ADGRB3: variants seen among roughly 807,000 people sequenced by gnomAD.
ADGRB3 encodes the protein adhesion G protein-coupled receptor B3, also known as brain-specific angiogenesis inhibitor 3.
A neutral mutation model predicts 193.4 loss-of-function variants in ADGRB3; 37 were observed. That is an observed-to-expected ratio of 0.19 (90% CI 0.15 to 0.25). The LOEUF (loss-of-function observed/expected upper bound fraction) is 0.25. Among genes scored for constraint, ADGRB3 ranks in the 10% least tolerant of loss-of-function variants. ADGRB3 has a pLI of 1.00. For missense variants in ADGRB3, 1,637 were observed against 1,852.9 expected, an observed-to-expected ratio of 0.88 and a Z score of 2.14; for synonymous variants, 690 against 644.2, an observed-to-expected ratio of 1.07 and a Z score of -1.08.
At chr6:68,851,109 C>T (rs940220091) in intron 3 of ADGRB3, among the ~76,000 whole-genome samples, 6 of 151,930 alleles carry the variant, frequency 3.9e-5, no homozygotes, top group Non-Finnish European at 7.4e-5. Context: ...CTATAAAGTT[C>T]TATCTGCTCT....
At chr6:68,678,077 A>C (rs543169602) in intron 3 of ADGRB3, among the ~76,000 whole-genome samples, 1 of 152,284 alleles carries the variant, frequency 6.6e-6, no homozygotes, top group Admixed American at 6.5e-5. Context: ...AGGCCAAAGT[A>C]TCTGTGCTCT....
At chr6:69,053,883 C>G (rs1159688347) in intron 15 of ADGRB3, among the ~76,000 whole-genome samples, 1 of 152,056 alleles carries the variant, frequency 6.6e-6, no homozygotes, top group Admixed American at 6.6e-5. Flanking sequence ...AAAAGTATAT[C>G]CAAGTATACC....
chr6:68,674,672 A>T (rs1422190634), intron 3 of ADGRB3, among the ~76,000 whole-genome samples: 1 of 152,160 alleles, frequency 6.6e-6, no homozygotes, highest in Non-Finnish European at 1.5e-5. Flanking sequence ...GTATTTCAAC[A>T]TGTTTAGATG....
chr6:69,250,081 G>T (rs60654288), intron 20 of ADGRB3, among the ~76,000 whole-genome samples: 230 of 152,242 alleles, frequency 1.5e-3, no homozygotes, highest in African/African-American at 5.1e-3. Context: ...CTGTGTAAGT[G>T]TTCTTTGTTA....
intron 11 of ADGRB3, among the ~76,000 whole-genome samples, chr6:68,995,190 T>C (rs1769350302): frequency 6.6e-6 from 1 of 152,212 alleles, no homozygotes; most frequent in Non-Finnish European, 1.5e-5. Flanking sequence ...TGAAACACTT[T>C]TTTTCCTAAG....
chr6:69,144,543 G>A (rs1774427429), intron 17 of ADGRB3, among the ~76,000 whole-genome samples: 2 of 152,134 alleles, frequency 1.3e-5, no homozygotes, highest in African/African-American at 2.4e-5. Flanking sequence ...CTATCCATGG[G>A]TCTGTTTTAA....
intron 13 of ADGRB3, among the ~76,000 whole-genome samples, chr6:69,041,351 T>A (rs1039999467): frequency 1.3e-5 from 2 of 151,858 alleles, no homozygotes; most frequent in African/African-American, 4.8e-5. Context: ...TGAGCATATA[T>A]ATATTTCCCC....
intron 17 of ADGRB3, among the ~76,000 whole-genome samples, chr6:69,185,910 T>G (rs1293658258): frequency 6.6e-6 from 1 of 152,138 alleles, no homozygotes; most frequent in Non-Finnish European, 1.5e-5. Flanking sequence ...AAGTCTTTTT[T>G]TAGTAGTATG....
At chr6:68,659,208 C>G (rs920570768) in intron 3 of ADGRB3, among the ~76,000 whole-genome samples, 3 of 150,602 alleles carry the variant, frequency 2.0e-5, no homozygotes, top group Non-Finnish European at 4.5e-5. Context: ...GAAAATCAAG[C>G]TGATGCAATT....
At chr6:69,024,507 T>C (rs1770368615) in intron 13 of ADGRB3, among the ~76,000 whole-genome samples, 1 of 152,202 alleles carries the variant, frequency 6.6e-6, no homozygotes, top group Admixed American at 6.5e-5. Context: ...TACACCCACT[T>C]ACAGCTATTT....
intron 3 of ADGRB3, among the ~76,000 whole-genome samples, chr6:68,865,092 T>G (rs1226174186): frequency 6.6e-6 from 1 of 152,174 alleles, no homozygotes; most frequent in Non-Finnish European, 1.5e-5. Context: ...TAGCTTCCTC[T>G]TGTCCAGACA....
intron 27 of ADGRB3, 63 bp downstream of exon 27, chr6:69,354,391 T>A (rs1405184559): frequency 7.2e-7 from 1 of 1,380,040 alleles, no homozygotes; most frequent in Non-Finnish European, 1.0e-6. Flanking sequence ...ATAAAAGAAA[T>A]CCTTATGAGT....
intron 5 of ADGRB3, among the ~76,000 whole-genome samples, chr6:68,938,419 T>A (rs1027564172): frequency 7.2e-6 from 1 of 139,352 alleles, no homozygotes; most frequent in African/African-American, 2.7e-5. Flanking sequence ...GTTTTTATCT[T>A]GTATAACATG....
chr6:69,070,169 C>A lies in ADGRB3; in HGVS notation c.2437-5826C>A, dbSNP rs1392809817. 1.2e-4 allele frequency among the ~76,000 whole-genome samples: 18 copies of A among 152,086 alleles called. 1 individual carries two copies. Among genetic ancestry groups the A allele is most frequent in the Admixed American group, 1.2e-3 (18 of 15,252 alleles). On this transcript the variant is annotated intron_variant, in intron 16 of 31. Coordinates refer to ENST00000370598, the MANE Select transcript of ADGRB3 (RefSeq NM_001704.3). ...TGCCTTGCCTATTTACTTGCTGTGC[C>A]TCCACTGAAAAGAGATTATTTTGTT...
At chr6:69,106,952 T>G (rs1411228242) in intron 17 of ADGRB3, among the ~76,000 whole-genome samples, 1 of 152,124 alleles carries the variant, frequency 6.6e-6, no homozygotes, top group Non-Finnish European at 1.5e-5. Flanking sequence ...TGGAAGAAAT[T>G]TTGGACCAGT....
chr6:68,696,274 G>A (rs978431007), intron 3 of ADGRB3, among the ~76,000 whole-genome samples: 1 of 151,896 alleles, frequency 6.6e-6, no homozygotes, highest in Non-Finnish European at 1.5e-5. Flanking sequence ...GAAATTAAAA[G>A]CTGAATGTAT....
intron 15 of ADGRB3, among the ~76,000 whole-genome samples, chr6:69,052,266 A>G (rs893759315): frequency 7.9e-5 from 12 of 152,218 alleles, no homozygotes; most frequent in South Asian, 2.1e-4. Context: ...TGTTTGTACT[A>G]TGAAAATATT....
intron 3 of ADGRB3, among the ~76,000 whole-genome samples, chr6:68,888,601 A>G (rs1765980992): frequency 6.6e-6 from 1 of 151,432 alleles, no homozygotes; most frequent in Non-Finnish European, 1.5e-5. Context: ...CCCTCCAGCT[A>G]CCTTCTAATG....
intron 17 of ADGRB3, among the ~76,000 whole-genome samples, chr6:69,173,509 A>G (rs555991366): frequency 6.6e-6 from 1 of 152,222 alleles, no homozygotes; most frequent in Non-Finnish European, 1.5e-5. Flanking sequence ...AATTATTTGC[A>G]GTAGTCTAAA....
Sources: gnomAD v4.1 joint callset for allele counts (sites outside exome capture counted in the v4.1 genomes callset) on GRCh38, gnomAD v4.1.1 for gene constraint, MANE v1.5 for transcripts, NCBI Gene and HGNC (gene_info 2026-07-23, HGNC 2026-07-21) for gene names.